CHL1: variants seen among roughly 807,000 people sequenced by gnomAD.
CHL1 encodes neural cell adhesion molecule L1-like protein.
A neutral mutation model predicts 141.9 loss-of-function variants in CHL1; 96 were observed. That is an observed-to-expected ratio of 0.68 (90% confidence interval 0.57 to 0.80). The LOEUF (loss-of-function observed/expected upper bound fraction) is 0.80. CHL1 is among the 30% of genes least tolerant of loss of function. The probability of loss-of-function intolerance (pLI) is 0.00; values close to 1 mark genes in which losing one functional copy is unlikely to be tolerated. For missense variants in CHL1, 1,820 were observed against 1,457.2 expected, an observed-to-expected ratio of 1.25 and a Z score of -4.05; for synonymous variants, 613 against 502.2, an observed-to-expected ratio of 1.22 and a Z score of -2.95.
At chr3:285,459 T>G (rs1697042171) in intron 2 of CHL1, among the ~76,000 whole-genome samples, 1 of 152,184 alleles carries the variant, frequency 6.6e-6, no homozygotes, top group African/African-American at 2.4e-5. Context: ...TGTGATCAGA[T>G]GAATAAAGGA....
intron 2 of CHL1, among the ~76,000 whole-genome samples, chr3:306,890 G>C (rs996189197): frequency 6.6e-6 from 1 of 152,124 alleles, no homozygotes; most frequent in Non-Finnish European, 1.5e-5. Context: ...GTCACTACAA[G>C]ATCCTTAAGT....
At chr3:281,039 G>A (rs543925152) in intron 2 of CHL1, among the ~76,000 whole-genome samples, 56 of 152,062 alleles carry the variant, frequency 3.7e-4, no homozygotes, top group African/African-American at 1.3e-3. Flanking sequence ...GGGGACATCT[G>A]ACAATGTCTA....
At chr3:237,962 T>C (rs562697890) in intron 1 of CHL1, among the ~76,000 whole-genome samples, 1 of 152,336 alleles carries the variant, frequency 6.6e-6, no homozygotes, top group Non-Finnish European at 1.5e-5. Flanking sequence ...ATATAAGGTT[T>C]TGCTGATAAA....
intron 2 of CHL1, among the ~76,000 whole-genome samples, chr3:312,248 A>G (rs1699814241): frequency 6.6e-6 from 1 of 152,174 alleles, no homozygotes; most frequent in African/African-American, 2.4e-5. Context: ...CATTCCTTTG[A>G]TCTACTGTGT....
chr3:335,888 C>T (rs1201721710), intron 5 of CHL1, among the ~76,000 whole-genome samples: 3 of 152,134 alleles, frequency 2.0e-5, no homozygotes, highest in African/African-American at 7.2e-5. Context: ...TGTCTCTGTG[C>T]GTTTGGCTGT....
chr3:286,382 G>C (rs1322535317), intron 2 of CHL1, among the ~76,000 whole-genome samples: 1 of 152,084 alleles, frequency 6.6e-6, no homozygotes, highest in African/African-American at 2.4e-5. Flanking sequence ...AGGCCGAAGT[G>C]AGTGGATCAC....
At chr3:365,569 C>G (rs1391486507) in intron 14 of CHL1, among the ~76,000 whole-genome samples, 3 of 152,166 alleles carry the variant, frequency 2.0e-5, no homozygotes, top group Non-Finnish European at 2.9e-5. Context: ...AATAAACACC[C>G]TAACAGAAAA....
chr3:254,411 C>A (rs573554092), intron 2 of CHL1, among the ~76,000 whole-genome samples: 3 of 152,240 alleles, frequency 2.0e-5, no homozygotes, highest in East Asian at 3.9e-4. Flanking sequence ...GGGCTGATAC[C>A]CACTGAAACT....
At chr3:302,223 T>C (rs1249910263) in intron 2 of CHL1, among the ~76,000 whole-genome samples, 1 of 152,194 alleles carries the variant, frequency 6.6e-6, no homozygotes, top group African/African-American at 2.4e-5. Flanking sequence ...TGCATGTGTC[T>C]ATCGTAGAAT....
At chr3:256,107 A>AACATAATCTAAGCGAAGTAAGGAGGTT (rs1559344217) in intron 2 of CHL1, among the ~76,000 whole-genome samples, 3 of 142,112 alleles carry the variant, frequency 2.1e-5, no homozygotes, top group African/African-American at 7.5e-5. Flanking sequence ...CTTAGAGCTA[A>AACATAATCTAAGCGAAGTAAGGAGGTT]ACATATTCTA....
At chr3:238,584 C>T (rs955796413) in intron 1 of CHL1, among the ~76,000 whole-genome samples, 3 of 151,976 alleles carry the variant, frequency 2.0e-5, no homozygotes, top group African/African-American at 4.8e-5. Context: ...CATTTTTCCC[C>T]GACCTGGACT....
At chr3:392,491 T>C (rs1200995903) in intron 23 of CHL1, among the ~76,000 whole-genome samples, 2 of 152,216 alleles carry the variant, frequency 1.3e-5, no homozygotes, top group African/African-American at 4.8e-5. Context: ...TGAGATCAGG[T>C]CGTTTTTAAT....
intron 18 of CHL1, 78 bp downstream of exon 18, chr3:382,749 G>T (rs1203067445): frequency 8.0e-6 from 10 of 1,245,820 alleles, no homozygotes; most frequent in Non-Finnish European, 1.2e-5. Flanking sequence ...AAAAAAGATT[G>T]ATAGAGTAAT....
intron 18 of CHL1, 40 bp downstream of exon 18, chr3:382,711 G>A (rs1310380029): frequency 9.7e-6 from 15 of 1,548,534 alleles, no homozygotes; most frequent in Non-Finnish European, 1.2e-5. Context: ...CAAAATATTT[G>A]TTTGTCCCCA....
chr3:282,168 C>G (rs553840240), intron 2 of CHL1, among the ~76,000 whole-genome samples: 3 of 152,142 alleles, frequency 2.0e-5, no homozygotes, highest in Admixed American at 1.3e-4. Context: ...TTCTTAGTAT[C>G]TGTTCTGGGG....
At chr3:255,493 C>G (rs971305154) in intron 2 of CHL1, among the ~76,000 whole-genome samples, 5 of 113,586 alleles carry the variant, frequency 4.4e-5, no homozygotes, top group African/African-American at 1.7e-4. Flanking sequence ...CTTTTGGTGT[C>G]TTTGTATGTG....
intron 2 of CHL1, among the ~76,000 whole-genome samples, chr3:261,889 C>A (rs570940018): frequency 6.6e-6 from 1 of 151,978 alleles, no homozygotes; most frequent in Non-Finnish European, 1.5e-5. Flanking sequence ...AGTCAATAAT[C>A]GAGTTTGGGA....
At chr3:366,558 G>A (rs962168613) in intron 15 of CHL1, among the ~76,000 whole-genome samples, 3 of 151,844 alleles carry the variant, frequency 2.0e-5, no homozygotes, top group Non-Finnish European at 2.9e-5. Flanking sequence ...ACTTCACTCT[G>A]CTATCATATG....
At chr3:310,831 T>C (rs1407679258) in intron 2 of CHL1, among the ~76,000 whole-genome samples, 1 of 152,230 alleles carries the variant, frequency 6.6e-6, no homozygotes, top group Non-Finnish European at 1.5e-5. Flanking sequence ...ATATCCACAA[T>C]TGTAGTATCA....
Sources: allele counts gnomAD v4.1 joint callset (sites outside exome capture counted in the v4.1 genomes callset), GRCh38; gene constraint gnomAD v4.1.1; transcripts MANE v1.5; gene names NCBI Gene and HGNC (gene_info 2026-07-23, HGNC 2026-07-21).